SOX5: variants seen among roughly 807,000 people sequenced by gnomAD.
SOX5 encodes SRY-box transcription factor 5.
SOX5 carries 9 observed loss-of-function variants against 92.0 expected under a neutral mutation model. The observed-to-expected ratio is 0.10, with a 90% CI of 0.06 to 0.17. The LOEUF (loss-of-function observed/expected upper bound fraction) is 0.17, where lower values mean the gene tolerates loss of function less well. SOX5 is among the 10% of genes least tolerant of loss of function. The pLI, the probability that SOX5 is intolerant of heterozygous loss-of-function variation, is 1.00. For missense variants in SOX5, 642 were observed against 944.5 expected (o/e 0.68, Z 4.20); for synonymous variants, 344 against 336.3 (o/e 1.02, Z -0.25).
Position 24,556,865 on chromosome 12 carries a change from G to A in SOX5, c.-251+5464C>T, listed in dbSNP as rs146238225. ...AAGTGTTGATCTCAGCCTCAAGAAA[G>A]TGATACATTTTTTCTTTTTAGACTC... On this transcript the variant is annotated intron_variant, in intron 1 of 4. Coordinates refer to the SOX5 transcript ENST00000446891. Among the ~76,000 whole-genome samples the A allele has an allele frequency of 2.0e-5, 3 of 150,004 alleles. No homozygotes were observed. In the East Asian group the frequency reaches 6.0e-4, roughly 30 times the overall value.
intron 7 of SOX5, among the ~76,000 whole-genome samples, chr12:23,661,472 T>C (rs537955036): frequency 2.0e-5 from 3 of 152,316 alleles, no homozygotes; most frequent in South Asian, 2.1e-4. Flanking sequence ...TTTTCTCAAA[T>C]GTCGCTCTCA....
intron 4 of SOX5, among the ~76,000 whole-genome samples, chr12:24,011,339 A>G (rs1017504362): frequency 2.6e-5 from 4 of 152,206 alleles, no homozygotes; most frequent in Non-Finnish European, 2.9e-5. Context: ...ATGGTGATTC[A>G]TATCAATGAC....
At chr12:24,368,457 A>T (rs1320769925) in intron 2 of SOX5, 1 of 152,234 alleles carries the variant, frequency 6.6e-6, no homozygotes, top group Non-Finnish European at 1.5e-5. Flanking sequence ...AATTGTGCCA[A>T]ATACTTGCAA....
intron 3 of SOX5, among the ~76,000 whole-genome samples, chr12:23,831,042 A>T (rs1420007130): frequency 1.3e-5 from 2 of 152,102 alleles, no homozygotes; most frequent in South Asian, 2.1e-4. Context: ...TGCTAATAAT[A>T]CCTTCTTTAG....
intron 3 of SOX5, chr12:24,237,849 G>C (rs996219514): frequency 4.6e-5 from 7 of 152,088 alleles, no homozygotes. Context: ...GATCTCCTAG[G>C]ACAGTGGCAG....
chr12:23,883,927 CAA>C (rs1201754992), intron 2 of SOX5, among the ~76,000 whole-genome samples: 1 of 152,082 alleles, frequency 6.6e-6, no homozygotes, highest in African/African-American at 2.4e-5. Context: ...CTTTCAATGA[CAA>C]GAGATTGAGA....
At chr12:24,535,078 T>A (rs1011496383) in intron 1 of SOX5, among the ~76,000 whole-genome samples, 3 of 152,298 alleles carry the variant, frequency 2.0e-5, no homozygotes, top group South Asian at 4.1e-4. Context: ...GAAGCCACCA[T>A]GGAGCCCAAG....
chr12:24,427,446 G>T (rs1403676576), intron 1 of SOX5, among the ~76,000 whole-genome samples: 3 of 152,144 alleles, frequency 2.0e-5, no homozygotes, highest in Non-Finnish European at 4.4e-5. Flanking sequence ...TTCAAAGCAT[G>T]GGATTATATC....
chr12:24,348,114 A>T (rs1953566990), intron 2 of SOX5, among the ~76,000 whole-genome samples: 1 of 151,722 alleles, frequency 6.6e-6, no homozygotes, highest in Non-Finnish European at 1.5e-5. Context: ...ATATTTTTAA[A>T]ATGAGTCTTT....
chr12:23,653,314 G>T (rs1392545509), intron 7 of SOX5, among the ~76,000 whole-genome samples: 1 of 151,546 alleles, frequency 6.6e-6, no homozygotes, highest in African/African-American at 2.4e-5. Flanking sequence ...GCTTGGAATA[G>T]TCTGTCTGTA....
At chr12:23,941,992 T>C (rs1180391378) in intron 1 of SOX5, among the ~76,000 whole-genome samples, 1 of 150,568 alleles carries the variant, frequency 6.6e-6, no homozygotes, top group Non-Finnish European at 1.5e-5. Context: ...AAAAAGTCTT[T>C]GGACTTTGAA....
chr12:24,345,681 G>A lies in SOX5; in HGVS notation c.-174+22882C>T, dbSNP rs569783789. ...TAATTTTGAAAGAATTATGATGATT[G>A]CACTTAAGCATTCATCCTTAAACCT... On this transcript the variant is annotated intron_variant, in intron 2 of 4. Coordinates refer to the SOX5 transcript ENST00000446891. 3.9e-5 allele frequency among the ~76,000 whole-genome samples: 6 copies of A among 152,218 alleles called. No homozygotes were observed. The South Asian group carries it at 1.2e-3, about 32-fold the overall frequency.
chr12:24,127,815 G>A (rs1213875839), intron 4 of SOX5, among the ~76,000 whole-genome samples: 2 of 152,200 alleles, frequency 1.3e-5, no homozygotes, highest in African/African-American at 2.4e-5. Context: ...ACATAGAGAA[G>A]TGAGTGCATT....
chr12:24,091,690 G>T (rs559928622), intron 4 of SOX5, among the ~76,000 whole-genome samples: 3 of 151,684 alleles, frequency 2.0e-5, no homozygotes, highest in East Asian at 3.9e-4. Flanking sequence ...GACTTACTAG[G>T]GTATGATAAA....
At chr12:23,814,310 A>G (rs2095941269) in intron 3 of SOX5, among the ~76,000 whole-genome samples, 1 of 152,146 alleles carries the variant, frequency 6.6e-6, no homozygotes, top group Non-Finnish European at 1.5e-5. Flanking sequence ...ATTCAGTGAT[A>G]GACGCCAAAA....
At chr12:24,237,527 T>C (rs1964742475) in intron 3 of SOX5, among the ~76,000 whole-genome samples, 1 of 151,098 alleles carries the variant, frequency 6.6e-6, no homozygotes, top group South Asian at 2.1e-4. Flanking sequence ...AAGTTTAATT[T>C]GTAATTTCCT....
intron 6 of SOX5, among the ~76,000 whole-genome samples, chr12:23,685,612 C>A (rs1593270476): frequency 6.6e-6 from 1 of 151,384 alleles, no homozygotes; most frequent in African/African-American, 2.4e-5. Flanking sequence ...TTTTCTAGCT[C>A]TAAAAATCCT....
chr12:24,319,117 C>T (rs1949974728), intron 2 of SOX5, among the ~76,000 whole-genome samples: 1 of 152,214 alleles, frequency 6.6e-6, no homozygotes, highest in Admixed American at 6.5e-5. Flanking sequence ...GATCATCCCT[C>T]TGCCTGGCTC....
At chr12:23,818,657 A>T (rs137928709) in intron 3 of SOX5, among the ~76,000 whole-genome samples, 1 of 152,212 alleles carries the variant, frequency 6.6e-6, no homozygotes, top group Non-Finnish European at 1.5e-5. Context: ...TTTTAAATTA[A>T]TTTTATAATT....
Sources: gnomAD v4.1 joint callset for allele counts (sites outside exome capture counted in the v4.1 genomes callset) on GRCh38, gnomAD v4.1.1 for gene constraint, MANE v1.5 for transcripts, NCBI Gene and HGNC (gene_info 2026-07-23, HGNC 2026-07-21) for gene names.